RHBDD1: variants seen among roughly 807,000 people sequenced by gnomAD.
RHBDD1 encodes rhomboid domain containing 1, also known as rhomboid-related protein 4.
Under a neutral mutation model 36.3 loss-of-function variants are expected in RHBDD1, and 38 were observed. That is an observed-to-expected ratio of 1.05 (90% confidence interval 0.81 to 1.37). The LOEUF is 1.37. Among genes scored for constraint, RHBDD1 ranks in the 40% most tolerant of loss-of-function variants. The probability of loss-of-function intolerance (pLI) is 0.00; values close to 1 mark genes in which losing one functional copy is unlikely to be tolerated. For missense variants in RHBDD1, 393 were observed against 377.6 expected, an observed-to-expected ratio of 1.04 and a Z score of -0.34; for synonymous variants, 151 against 136.5, an observed-to-expected ratio of 1.11 and a Z score of -0.74.
At chr2:226,801,926 G>A in the RHBDD1 span, among the ~76,000 whole-genome samples, 6 of 152,136 alleles carry the variant, frequency 3.9e-5, no homozygotes, top group African/African-American at 1.4e-4. Context: ...GCGCTGGGAT[G>A]GGGGTAGTGG....
intron 8 of RHBDD1, among the ~76,000 whole-genome samples, chr2:226,960,283 C>A (rs943648590): frequency 6.6e-6 from 1 of 152,152 alleles, no homozygotes; most frequent in Non-Finnish European, 1.5e-5. Flanking sequence ...ATGGTAGTGC[C>A]ATCTCATTGT....
At chr2:226,835,622 C>G (rs1940880368), upstream of RHBDD1, 1 of 152,288 alleles carries the variant, frequency 6.6e-6, no homozygotes, top group Non-Finnish European at 1.5e-5. Flanking sequence ...CCCGGAAGGA[C>G]GAAGCTTCCC....
At chr2:226,941,635 G>A (rs1041060698) in intron 8 of RHBDD1, among the ~76,000 whole-genome samples, 14 of 152,070 alleles carry the variant, frequency 9.2e-5, no homozygotes, top group Admixed American at 2.6e-4. Context: ...CATCTATTCT[G>A]GTCTTTTAGA....
chr2:226,974,003 C>G (rs923289108), intron 8 of RHBDD1, among the ~76,000 whole-genome samples: 1 of 152,154 alleles, frequency 6.6e-6, no homozygotes, highest in African/African-American at 2.4e-5. Context: ...AGGCCCAGTG[C>G]CCCTCACCGC....
chr2:226,961,618 A>G (rs968996404), intron 8 of RHBDD1, among the ~76,000 whole-genome samples: 1 of 152,152 alleles, frequency 6.6e-6, no homozygotes, highest in African/African-American at 2.4e-5. Flanking sequence ...GGAATGAGTG[A>G]TGGAGTCAAG....
At chr2:226,888,709 AG>A (rs1184264592) in intron 5 of RHBDD1, among the ~76,000 whole-genome samples, 3 of 152,220 alleles carry the variant, frequency 2.0e-5, no homozygotes, top group Non-Finnish European at 2.9e-5. Context: ...TCTTTGCCAA[AG>A]GGCAGTGAAG....
chr2:226,906,363 G>A (rs1948053006), intron 5 of RHBDD1, among the ~76,000 whole-genome samples: 1 of 152,170 alleles, frequency 6.6e-6, no homozygotes, highest in Admixed American at 6.5e-5. Context: ...AACTGCAGCA[G>A]TCTGCCCTGC....
intron 8 of RHBDD1, among the ~76,000 whole-genome samples, chr2:226,990,141 A>G (rs1957856870): frequency 6.6e-6 from 1 of 152,238 alleles, no homozygotes; most frequent in Non-Finnish European, 1.5e-5. Context: ...AAGTGTGGTT[A>G]CTGTCTTTAA....
At chr2:226,948,988 C>T (rs1951224026) in intron 8 of RHBDD1, among the ~76,000 whole-genome samples, 2 of 152,142 alleles carry the variant, frequency 1.3e-5, no homozygotes, top group Admixed American at 1.3e-4. Flanking sequence ...CATTCCTACA[C>T]ACCAATAATA....
At chr2:226,920,539 T>A (rs993861614) in intron 8 of RHBDD1, among the ~76,000 whole-genome samples, 1 of 152,174 alleles carries the variant, frequency 6.6e-6, no homozygotes, top group Non-Finnish European at 1.5e-5. Flanking sequence ...TATGTGACTT[T>A]TATTGTGTTG....
At chr2:226,816,857 C>A in the RHBDD1 span, among the ~76,000 whole-genome samples, 1 of 151,544 alleles carries the variant, frequency 6.6e-6, no homozygotes, top group Non-Finnish European at 1.5e-5. Flanking sequence ...GATAGCACCA[C>A]TGCGCCAGCC....
chr2:226,857,874 T>TA (rs886997422), intron 3 of RHBDD1, among the ~76,000 whole-genome samples: 70 of 151,414 alleles, frequency 4.6e-4, no homozygotes, highest in African/African-American at 1.4e-3. Context: ...GTGAATATAC[T>TA]AAAAAAAAAC....
chr2:226,830,569 A>G, the RHBDD1 span, among the ~76,000 whole-genome samples: 1 of 152,290 alleles, frequency 6.6e-6, no homozygotes, highest in East Asian at 1.9e-4. Context: ...CAAAGATGCA[A>G]TCATAGCCCA....
At chr2:226,805,883 A>G in the RHBDD1 span, among the ~76,000 whole-genome samples, 1 of 152,122 alleles carries the variant, frequency 6.6e-6, no homozygotes, top group African/African-American at 2.4e-5. Flanking sequence ...CATTCTTCTC[A>G]CATCCCCTCC....
At chr2:226,919,416 A>T (rs1399849868) in intron 8 of RHBDD1, among the ~76,000 whole-genome samples, 1 of 151,916 alleles carries the variant, frequency 6.6e-6, no homozygotes, top group Non-Finnish European at 1.5e-5. Context: ...TCCTGGAGAG[A>T]TTCCCCAACA....
At chr2:226,836,398 C>A (rs778540005) in intron 1 of RHBDD1, among the ~76,000 whole-genome samples, 1 of 152,224 alleles carries the variant, frequency 6.6e-6, no homozygotes, top group Non-Finnish European at 1.5e-5. Context: ...TGGCGCTGAG[C>A]GAGTTTAAAG....
intron 3 of RHBDD1, among the ~76,000 whole-genome samples, chr2:226,861,404 C>T (rs1309653948): frequency 6.6e-6 from 1 of 152,122 alleles, no homozygotes; most frequent in African/African-American, 2.4e-5. Flanking sequence ...TTCATCCAGC[C>T]AGAAGTAACT....
chr2:226,806,248 G>T, the RHBDD1 span, among the ~76,000 whole-genome samples: 11 of 152,148 alleles, frequency 7.2e-5, no homozygotes, highest in Admixed American at 7.2e-4. Context: ...CACTACCTGT[G>T]GTGTTGTCCG....
intron 5 of RHBDD1, among the ~76,000 whole-genome samples, chr2:226,901,506 G>T (rs567878956): frequency 1.3e-5 from 2 of 152,288 alleles, no homozygotes; most frequent in Admixed American, 1.3e-4. Context: ...CACCAACAAT[G>T]TATCAGTGTT....
Sources: gnomAD v4.1 joint callset for allele counts (sites outside exome capture counted in the v4.1 genomes callset) on GRCh38, gnomAD v4.1.1 for gene constraint, MANE v1.5 for transcripts, NCBI Gene and HGNC (gene_info 2026-07-23, HGNC 2026-07-21) for gene names.